Variants in SLC9A9 observed in about 807,000 individuals in gnomAD.
SLC9A9 encodes the protein solute carrier family 9 member A9, also known as sodium/hydrogen exchanger 9.
SLC9A9 carries 62 observed loss-of-function variants against 77.8 expected under a neutral mutation model. The observed-to-expected ratio is 0.80, with a 90% CI of 0.65 to 0.98. SLC9A9 has a LOEUF of 0.98. SLC9A9 is among the 50% of genes least tolerant of loss of function. The pLI is 0.00. For synonymous variants in SLC9A9, 320 were observed against 283.5 expected, an observed-to-expected ratio of 1.13 and a Z score of -1.29; for missense variants, 775 against 774.9, an observed-to-expected ratio of 1.00 and a Z score of 0.00.
At chr3:143,596,854 G>T (rs146743896) in intron 6 of SLC9A9, among the ~76,000 whole-genome samples, 273 of 152,106 alleles carry the variant, frequency 1.8e-3, no homozygotes, top group African/African-American at 6.2e-3. Context: ...AGAGATTGAG[G>T]TCTCACTTTG....
chr3:143,589,462 G>T (rs1247682801), intron 6 of SLC9A9, among the ~76,000 whole-genome samples: 4 of 151,902 alleles, frequency 2.6e-5, no homozygotes, highest in African/African-American at 9.7e-5. Flanking sequence ...TCTTCTCTAC[G>T]TTTAGATACA....
chr3:143,708,782 G>A, intron 4 of SLC9A9, among the ~76,000 whole-genome samples: 1 of 152,172 alleles, frequency 6.6e-6, no homozygotes, highest in Non-Finnish European at 1.5e-5. Context: ...CCATTACCCA[G>A]TCCTGCTAGG....
At chr3:143,697,091 C>T (rs1213233568) in intron 4 of SLC9A9, among the ~76,000 whole-genome samples, 1 of 151,524 alleles carries the variant, frequency 6.6e-6, no homozygotes, top group Non-Finnish European at 1.5e-5. Context: ...TAACATAATA[C>T]ATATGATGAC....
intron 5 of SLC9A9, among the ~76,000 whole-genome samples, chr3:143,653,109 G>T (rs944135150): frequency 6.6e-6 from 1 of 152,216 alleles, no homozygotes; most frequent in African/African-American, 2.4e-5. Flanking sequence ...TGTGAAGGGA[G>T]ACACGGTTCC....
chr3:143,341,939 G>C (rs2032111284), intron 14 of SLC9A9, among the ~76,000 whole-genome samples: 2 of 151,974 alleles, frequency 1.3e-5, no homozygotes, highest in Admixed American at 6.6e-5. Context: ...CCTTACAAAG[G>C]ACCCATGCAG....
chr3:143,504,905 G>C (rs1443449174), intron 9 of SLC9A9, among the ~76,000 whole-genome samples: 1 of 152,138 alleles, frequency 6.6e-6, no homozygotes, highest in Non-Finnish European at 1.5e-5. Context: ...GCCAGACTAG[G>C]CAGCCTCCCC....
At chr3:143,423,254 C>CACACGTGTACACACGCGCGTGT (rs2034341601) in intron 12 of SLC9A9, among the ~76,000 whole-genome samples, 2 of 115,494 alleles carry the variant, frequency 1.7e-5, no homozygotes, top group South Asian at 3.4e-4. Context: ...CGTGTACACA[C>CACACGTGTACACACGCGCGTGT]ACACACACAC....
At chr3:143,509,130 C>T (rs1349751291) in intron 9 of SLC9A9, among the ~76,000 whole-genome samples, 1 of 152,058 alleles carries the variant, frequency 6.6e-6, no homozygotes, top group African/African-American at 2.4e-5. Flanking sequence ...TAGAGTAGAA[C>T]ATTGATTCTT....
intron 4 of SLC9A9, among the ~76,000 whole-genome samples, chr3:143,782,090 C>T (rs1158863198): frequency 1.3e-5 from 2 of 152,168 alleles, no homozygotes; most frequent in African/African-American, 4.8e-5. Context: ...CTTTATGATT[C>T]ACATACAACA....
intron 9 of SLC9A9, among the ~76,000 whole-genome samples, chr3:143,543,379 C>A (rs948683038): frequency 1.4e-4 from 20 of 147,038 alleles, no homozygotes; most frequent in Non-Finnish European, 2.7e-4. Flanking sequence ...ACTTGTCAAG[C>A]TTTTTTTTTT....
At chr3:143,813,280 C>G (rs1037251339) in intron 2 of SLC9A9, among the ~76,000 whole-genome samples, 2 of 152,090 alleles carry the variant, frequency 1.3e-5, no homozygotes, top group African/African-American at 4.8e-5. Context: ...GTCTGGGGCT[C>G]TGCTTATCCT....
intron 9 of SLC9A9, among the ~76,000 whole-genome samples, chr3:143,506,817 G>A (rs887952062): frequency 6.6e-6 from 1 of 152,036 alleles, no homozygotes; most frequent in African/African-American, 2.4e-5. Context: ...AAGACAATTA[G>A]TTTCTCTGTG....
intron 5 of SLC9A9, among the ~76,000 whole-genome samples, chr3:143,671,959 C>T (rs1245569732): frequency 2.6e-5 from 4 of 152,172 alleles, no homozygotes; most frequent in Non-Finnish European, 4.4e-5. Flanking sequence ...TCTTTCTCTA[C>T]CAAATATTAG....
intron 6 of SLC9A9, among the ~76,000 whole-genome samples, chr3:143,640,019 C>CTTTTTTTTTTT (rs10575577): frequency 3.9e-4 from 49 of 124,140 alleles, no homozygotes; most frequent in African/African-American, 5.5e-4. Flanking sequence ...CTTTTTTTTT[C>CTTTTTTTTTTT]TTTTTTTTTT....
intron 5 of SLC9A9, among the ~76,000 whole-genome samples, chr3:143,681,788 G>A (rs1295114685): frequency 1.3e-5 from 2 of 152,104 alleles, no homozygotes; most frequent in Admixed American, 6.6e-5. Context: ...ACTGTTTGTT[G>A]GACTACCTTC....
chr3:143,290,028 C>G (rs1938494042), intron 14 of SLC9A9, among the ~76,000 whole-genome samples: 2 of 152,204 alleles, frequency 1.3e-5, no homozygotes, highest in South Asian at 4.1e-4. Flanking sequence ...ACCACTGTCC[C>G]TAGCTATCTT....
At chr3:143,387,509 C>A (rs2108502313) in intron 12 of SLC9A9, among the ~76,000 whole-genome samples, 1 of 152,208 alleles carries the variant, frequency 6.6e-6, no homozygotes, top group East Asian at 1.9e-4. Context: ...TGATGTTTTG[C>A]ATTCCTGATG....
chr3:143,286,348 T>C (rs1452655465), intron 14 of SLC9A9, among the ~76,000 whole-genome samples: 1 of 152,172 alleles, frequency 6.6e-6, no homozygotes, highest in African/African-American at 2.4e-5. Context: ...CACACAGACC[T>C]GATGGACATA....
chr3:143,707,634 A>G (rs928116388), intron 4 of SLC9A9, among the ~76,000 whole-genome samples: 6 of 152,220 alleles, frequency 3.9e-5, no homozygotes, highest in Admixed American at 3.9e-4. Context: ...TTCAGGCATT[A>G]GGGATAATCT....
Sources: allele counts gnomAD v4.1 joint callset (sites outside exome capture counted in the v4.1 genomes callset), GRCh38; gene constraint gnomAD v4.1.1; transcripts MANE v1.5; gene names NCBI Gene and HGNC (gene_info 2026-07-23, HGNC 2026-07-21).